The following ME1 variants were observed in gnomAD, a reference collection of about 807,000 sequenced individuals.
ME1 encodes the protein NADP-dependent malic enzyme.
A neutral mutation model predicts 66.4 loss-of-function variants in ME1; 74 were observed. The ratio of observed to expected loss-of-function variants is 1.11; its 90% CI spans 0.92 to 1.35. The LOEUF is 1.35. ME1 is among the 40% of genes most tolerant of loss of function. The pLI is 0.00. For missense variants in ME1, 750 were observed against 694.1 expected, an observed-to-expected ratio of 1.08 and a Z score of -0.90; for synonymous variants, 251 against 235.6, an observed-to-expected ratio of 1.07 and a Z score of -0.60.
intron 5 of ME1, among the ~76,000 whole-genome samples, chr6:83,321,529 C>A (rs1045312912): frequency 6.6e-6 from 1 of 152,052 alleles, no homozygotes; most frequent in African/African-American, 2.4e-5. Flanking sequence ...TAAATAAAGC[C>A]ACTGGGAAGT....
At chr6:83,293,471 TG>T (rs2128535278) in intron 6 of ME1, among the ~76,000 whole-genome samples, 1 of 152,324 alleles carries the variant, frequency 6.6e-6, no homozygotes, top group South Asian at 2.1e-4. Context: ...TCTGTTTGTA[TG>T]ATTTTGCCTA....
intron 3 of ME1, chr6:83,392,542 A>G (rs1769641336): frequency 1.8e-6 from 1 of 544,948 alleles, no homozygotes; most frequent in African/African-American, 1.9e-5. Context: ...CCTCAACAAC[A>G]CTGTCTACAT....
At chr6:83,327,467 G>A (rs1479606420) in intron 5 of ME1, among the ~76,000 whole-genome samples, 2 of 152,092 alleles carry the variant, frequency 1.3e-5, no homozygotes, top group African/African-American at 4.8e-5. Context: ...GGCCCCCCCG[G>A]GGCACACCTG....
intron 5 of ME1, among the ~76,000 whole-genome samples, chr6:83,345,367 G>A (rs1436996656): frequency 6.6e-6 from 1 of 152,192 alleles, no homozygotes; most frequent in African/African-American, 2.4e-5. Context: ...AACTTTCTAT[G>A]TGTAGGTTAA....
At chr6:83,265,222 C>G (rs1009858020) in intron 6 of ME1, among the ~76,000 whole-genome samples, 2 of 152,176 alleles carry the variant, frequency 1.3e-5, no homozygotes, top group Non-Finnish European at 2.9e-5. Flanking sequence ...TTAAGGTAGA[C>G]AAATTTTTTA....
At chr6:83,317,667 G>T (rs187315106) in intron 5 of ME1, among the ~76,000 whole-genome samples, 142 of 152,132 alleles carry the variant, frequency 9.3e-4, no homozygotes, top group Middle Eastern at 3.4e-3. Flanking sequence ...TCCTTCTCCT[G>T]CCTAATTGCC....
At chr6:83,251,470 G>C (rs566665991) in intron 7 of ME1, among the ~76,000 whole-genome samples, 2 of 151,222 alleles carry the variant, frequency 1.3e-5, no homozygotes, top group Admixed American at 1.3e-4. Context: ...CTCCAGCCCG[G>C]GCAATAGAGC....
At chr6:83,357,933 CTCTATA>C (rs1380470258) in intron 3 of ME1, among the ~76,000 whole-genome samples, 344 of 44,840 alleles carry the variant, frequency 7.7e-3, no homozygotes, top group Middle Eastern at 0.014. Context: ...CTCTCTCTCT[CTCTATA>C]TATATATATA....
At chr6:83,374,643 T>C (rs1235748755) in intron 3 of ME1, among the ~76,000 whole-genome samples, 1 of 152,246 alleles carries the variant, frequency 6.6e-6, no homozygotes, top group Non-Finnish European at 1.5e-5. Context: ...CAATTGCTTT[T>C]GGCAATTTCA....
chr6:83,414,034 C>A (rs1335711119), intron 1 of ME1, among the ~76,000 whole-genome samples: 1 of 148,716 alleles, frequency 6.7e-6, no homozygotes, highest in Non-Finnish European at 1.5e-5. Context: ...TCATTTGATC[C>A]TGGGAGGTTA....
chr6:83,349,002 CAAAAAACAAAAAA>C lies in ME1; in HGVS notation c.439-2681_439-2669del, dbSNP rs1456206629. ...TCTGTCTCAAAAAAAAAAAAAAAAACAAAAAACAAAAAACAGTGCATTCTTTCTTATTTCTTCA... is the reference window on the plus strand; with the variant it reads ...TCTGTCTCAAAAAAAAAAAAAAAAACCAGTGCATTCTTTCTTATTTCTTCA... On this transcript the variant is annotated intron_variant, in intron 4 of 13. Coordinates refer to ENST00000369705, the MANE Select transcript of ME1 (RefSeq NM_002395.6). Among the ~76,000 whole-genome samples the C allele has an allele frequency of 3.9e-4, 48 of 122,030 alleles. 1 individual carries two copies. The highest frequency in any genetic ancestry group is 1.2e-3 in the African/African-American group (35 of 29,334). The allele number at this position is 122,030 out of a possible 152,430, so 80.1% of individuals were successfully genotyped here. A position where few individuals can be genotyped will look rare whatever the true frequency, so the allele number is the denominator to read the frequency against.
chr6:83,350,231 T>C (rs1768772664), intron 4 of ME1, among the ~76,000 whole-genome samples: 1 of 152,202 alleles, frequency 6.6e-6, no homozygotes, highest in African/African-American at 2.4e-5. Flanking sequence ...TATGCTAAGA[T>C]TTTTAAATAA....
chr6:83,244,948 T>C (rs1273901670), intron 7 of ME1, among the ~76,000 whole-genome samples: 1 of 151,832 alleles, frequency 6.6e-6, no homozygotes, highest in East Asian at 1.9e-4. Flanking sequence ...AGAAAGAAAA[T>C]GAAAAATTGC....
At chr6:83,225,136 A>G (rs539349552) in intron 11 of ME1, among the ~76,000 whole-genome samples, 1 of 132,442 alleles carries the variant, frequency 7.6e-6, no homozygotes, top group African/African-American at 2.8e-5. Flanking sequence ...TGGGAGGCGG[A>G]GGTTGCAGTG....
intron 6 of ME1, among the ~76,000 whole-genome samples, chr6:83,283,248 A>AAAAAAAAAAAAAAAAT (rs70987744): frequency 7.2e-6 from 1 of 139,612 alleles, no homozygotes; most frequent in Non-Finnish European, 1.5e-5. Flanking sequence ...AAAAAAAAAA[A>AAAAAAAAAAAAAAAAT]TGATGAGTTC....
At chr6:83,299,861 C>T (rs1767680585) in intron 6 of ME1, among the ~76,000 whole-genome samples, 1 of 152,054 alleles carries the variant, frequency 6.6e-6, no homozygotes, top group African/African-American at 2.4e-5. Flanking sequence ...AAGATAATCA[C>T]ACGGTTTTTG....
rs185058005 is a variant in ME1, at chr6:83,352,134, A to G, written c.368T>C (p.Leu123Pro). ...CCCTCGATCGTGGATAGTAATAAAGAGACCTCTGCAGAAAAAAAAAAAAAA... is the reference window on the plus strand; with the variant it reads ...CCCTCGATCGTGGATAGTAATAAAGGGACCTCTGCAGAAAAAAAAAAAAAA... ...YSLVFRKPRGLFITIHDRGHI... is the reference protein window; with the variant it reads ...YSLVFRKPRGPFITIHDRGHI... The change falls in exon 4 of 14, where the codon CTC becomes CCC. Residue 123 changes from leucine (L) to proline (P), a missense_variant. Transcript: ENST00000369705. 3.5e-6 allele frequency: 5 copies of G among 1,427,480 alleles called. No individual in the cohort carries two copies. The African/African-American group carries it at 4.6e-5, about 13-fold the overall frequency. The allele number at this position is 1,427,480 out of a possible 1,614,324, so 88.4% of individuals were successfully genotyped here.
intron 5 of ME1, among the ~76,000 whole-genome samples, chr6:83,342,426 T>C (rs1768604646): frequency 6.6e-6 from 1 of 152,230 alleles, no homozygotes; most frequent in Non-Finnish European, 1.5e-5. Flanking sequence ...AAGCAATTAA[T>C]ACATACTGCA....
intron 1 of ME1, among the ~76,000 whole-genome samples, chr6:83,411,877 A>G (rs990885654): frequency 6.6e-6 from 1 of 152,068 alleles, no homozygotes; most frequent in Non-Finnish European, 1.5e-5. Context: ...ATTCCTTATA[A>G]AACCTTTGGA....
Sources: gnomAD v4.1 joint callset for allele counts (sites outside exome capture counted in the v4.1 genomes callset) on GRCh38, gnomAD v4.1.1 for gene constraint, MANE v1.5 for transcripts, NCBI Gene and HGNC (gene_info 2026-07-23, HGNC 2026-07-21) for gene names.